FRMD4A: variants seen among roughly 807,000 people sequenced by gnomAD.
FRMD4A encodes FERM domain containing 4A.
A neutral mutation model predicts 129.1 loss-of-function variants in FRMD4A; 29 were observed. The ratio of observed to expected loss-of-function variants is 0.22; its 90% CI spans 0.17 to 0.31. The LOEUF is 0.31. FRMD4A is among the 10% of genes least tolerant of loss of function. FRMD4A has a pLI of 1.00. For synonymous variants in FRMD4A, 634 were observed against 571.6 expected (o/e 1.11, Z -1.56); for missense variants, 1,272 against 1,375.8 (o/e 0.92, Z 1.19).
At chr10:14,187,960 A>G (rs879830916) in intron 2 of FRMD4A, among the ~76,000 whole-genome samples, 1 of 152,118 alleles carries the variant, frequency 6.6e-6, no homozygotes, top group Non-Finnish European at 1.5e-5. Flanking sequence ...AGCTCCCACA[A>G]TACAATTTTC....
chr10:13,843,181 C>T (rs1157825844), intron 3 of FRMD4A, among the ~76,000 whole-genome samples: 1 of 152,188 alleles, frequency 6.6e-6, no homozygotes, highest in Non-Finnish European at 1.5e-5. Flanking sequence ...GCCTATGCTG[C>T]ATCGGATTCT....
chr10:13,926,418 A>T (rs747210983), intron 2 of FRMD4A, among the ~76,000 whole-genome samples: 23 of 152,180 alleles, frequency 1.5e-4, no homozygotes, highest in Non-Finnish European at 3.1e-4. Flanking sequence ...ATGGGTATTG[A>T]TTAGTGCCAA....
rs371599235 is a variant in FRMD4A, at chr10:13,673,588, GCACA to G, written c.1251+1319_1251+1322del. On this transcript the variant is annotated intron_variant, in intron 16 of 24. Coordinates refer to ENST00000357447, the MANE Select transcript of FRMD4A (RefSeq NM_018027.5). ...CACACATGTGCATGCGTGCGCGCGCGCACACACACACACACACAGAGTCATGTGT... is the reference window on the plus strand; with the variant it reads ...CACACATGTGCATGCGTGCGCGCGCGCACACACACACACAGAGTCATGTGT... Among the ~76,000 whole-genome samples the G allele has an allele frequency of 3.2e-3, 468 of 147,760 alleles. 2 individuals carry two copies. Among genetic ancestry groups the G allele is most frequent in the Middle Eastern group, 0.017 (5 of 290 alleles).
intron 5 of FRMD4A, among the ~76,000 whole-genome samples, chr10:13,791,315 G>A (rs1357714072): frequency 1.3e-5 from 2 of 152,128 alleles, no homozygotes; most frequent in Admixed American, 1.3e-4. Flanking sequence ...TGATCTGTGT[G>A]GGGTTCATCA....
rs71388139 is a variant in FRMD4A, at chr10:13,955,112, C to CTTTTT, written c.46-96205_46-96201dup. Among the ~76,000 whole-genome samples, 4 of 102,974 alleles carry CTTTTT rather than the reference C, an allele frequency of 3.9e-5. 2 individuals are homozygous for CTTTTT. The highest frequency in any genetic ancestry group is 2.6e-4 in the Admixed American group (2 of 7,818). The allele number at this position is 102,974 out of a possible 152,430, so 67.6% of individuals were successfully genotyped here. ...TTCCAACCCCATGTTAATAATTCTG[C>CTTTTT]TTTTTTTTTTTTTGAGACGGAGTAT... is the stretch of plus-strand genomic sequence containing the variant. On this transcript the variant is annotated intron_variant, in intron 2 of 24. Coordinates refer to ENST00000357447, the MANE Select transcript of FRMD4A (RefSeq NM_018027.5).
At chr10:14,230,864 A>G (rs1348797583) in intron 2 of FRMD4A, among the ~76,000 whole-genome samples, 1 of 152,110 alleles carries the variant, frequency 6.6e-6, no homozygotes, top group African/African-American at 2.4e-5. Context: ...ACTTCCCTTT[A>G]TAAGTGAGAA....
chr10:13,660,550 T>A lies in FRMD4A; in HGVS notation c.1664A>T (p.Asp555Val), dbSNP rs2082558100. ...LSDALVLEDE[D>V]SQVTSTISPL... The stretch of plus-strand genomic sequence containing the variant: ...GGATATTGTGCTGGTAACCTGAGAG[T>A]CTTCTGCACAAAGACAGGAAGAGAG... Residue 555 changes from aspartate (D) to valine (V), a missense_variant, in exon 20 of 25, where the codon GAC becomes GTC. By Grantham distance (152) the Asp-to-Val change is radical. Transcript: ENST00000357447. 4.4e-6 allele frequency: 7 copies of A among 1,583,016 alleles called. No homozygotes were observed. In the South Asian group the frequency reaches 6.7e-5, roughly 15 times the overall value.
chr10:13,838,715 A>G (rs983466692), intron 3 of FRMD4A, among the ~76,000 whole-genome samples: 3 of 151,856 alleles, frequency 2.0e-5, no homozygotes, highest in Non-Finnish European at 4.4e-5. Context: ...CTAGCCTCAA[A>G]CTTCTAACCT....
At chr10:14,208,326 G>T (rs1842843649) in intron 2 of FRMD4A, among the ~76,000 whole-genome samples, 1 of 152,162 alleles carries the variant, frequency 6.6e-6, no homozygotes, top group Non-Finnish European at 1.5e-5. Flanking sequence ...GTTGTTCAGG[G>T]TGCCAATGGC....
chr10:14,047,924 A>G (rs769302978), intron 2 of FRMD4A, among the ~76,000 whole-genome samples: 3 of 152,192 alleles, frequency 2.0e-5, no homozygotes, highest in Admixed American at 6.5e-5. Flanking sequence ...TCACCACCAA[A>G]TAGGGACAAT....
intron 2 of FRMD4A, among the ~76,000 whole-genome samples, chr10:14,313,381 A>G (rs1846626990): frequency 6.6e-6 from 1 of 152,194 alleles, no homozygotes; most frequent in Non-Finnish European, 1.5e-5. Flanking sequence ...ATAAATAAAT[A>G]AAAACTAATT....
chr10:13,694,157 A>G, intron 14 of FRMD4A, 118 bp from the exon 15 acceptor site: 1 of 724,852 alleles, frequency 1.4e-6, no homozygotes, highest in Non-Finnish European at 2.1e-6. Flanking sequence ...TATCTCCCTG[A>G]CTAATGTGCA....
chr10:14,116,565 G>T lies in FRMD4A; in HGVS notation c.45+213493C>A, dbSNP rs928422539. Among the ~76,000 whole-genome samples the T allele has an allele frequency of 3.3e-5, 5 of 152,276 alleles. No individual in the cohort carries two copies. In the East Asian group the frequency reaches 9.7e-4, roughly 29 times the overall value. On this transcript the variant is annotated intron_variant, in intron 2 of 24. Transcript: ENST00000357447. ...CAGCTGAGATGGCCATAGGGGTGGA[G>T]GAAGCCTTACAATCACAGGGTCTGG...
At chr10:14,289,291 G>T (rs538135750) in intron 2 of FRMD4A, among the ~76,000 whole-genome samples, 6 of 151,788 alleles carry the variant, frequency 4.0e-5, no homozygotes, top group African/African-American at 7.2e-5. Context: ...TGTCTTTTGG[G>T]TTTTTTTTAA....
At chr10:14,020,400 A>G (rs1242259519) in intron 2 of FRMD4A, among the ~76,000 whole-genome samples, 1 of 152,298 alleles carries the variant, frequency 6.6e-6, no homozygotes, top group Non-Finnish European at 1.5e-5. Flanking sequence ...TGTTCTTGAG[A>G]TAGTGGGATG....
intron 2 of FRMD4A, among the ~76,000 whole-genome samples, chr10:13,929,726 G>C (rs10906541): frequency 9.2e-4 from 140 of 152,122 alleles, no homozygotes; most frequent in Middle Eastern, 3.4e-3. Context: ...CAGTATTTCA[G>C]TTCTCAGCAG....
intron 2 of FRMD4A, among the ~76,000 whole-genome samples, chr10:14,171,578 T>C (rs1227896638): frequency 6.6e-6 from 1 of 152,234 alleles, no homozygotes; most frequent in Non-Finnish European, 1.5e-5. Context: ...TCATGAACTG[T>C]GTTTCTCACC....
intron 2 of FRMD4A, among the ~76,000 whole-genome samples, chr10:13,929,433 G>A (rs2095169774): frequency 6.6e-6 from 1 of 152,188 alleles, no homozygotes; most frequent in African/African-American, 2.4e-5. Flanking sequence ...CTGCTTACCC[G>A]AGTGCTGCAC....
chr10:13,987,682 GTC>G (rs2095586628), intron 2 of FRMD4A, among the ~76,000 whole-genome samples: 1 of 151,880 alleles, frequency 6.6e-6, no homozygotes. Flanking sequence ...TTACTCATCC[GTC>G]TCTCTTCCCC....
Sources: allele counts gnomAD v4.1 joint callset (sites outside exome capture counted in the v4.1 genomes callset), GRCh38; gene constraint gnomAD v4.1.1; transcripts MANE v1.5; gene names NCBI Gene and HGNC (gene_info 2026-07-23, HGNC 2026-07-21).